The following PLIN5 variants were observed in gnomAD, a reference collection of about 807,000 sequenced individuals.
PLIN5 encodes perilipin-5.
A neutral mutation model predicts 32.8 loss-of-function variants in PLIN5; 34 were observed. The observed-to-expected ratio is 1.04, with a 90% confidence interval of 0.79 to 1.38. PLIN5 has a LOEUF of 1.38. PLIN5 is among the 40% of genes most tolerant of loss of function. The probability of loss-of-function intolerance (pLI) is 0.00; values close to 1 mark genes in which losing one functional copy is unlikely to be tolerated. For synonymous variants in PLIN5, 309 were observed against 292.9 expected, an observed-to-expected ratio of 1.05 and a Z score of -0.56; for missense variants, 712 against 660.5, an observed-to-expected ratio of 1.08 and a Z score of -0.85.
At chr19:4,535,108 G>C (rs1250870270) in intron 1 of PLIN5, 57 bp downstream of exon 1, 1 of 151,942 alleles carries the variant, frequency 6.6e-6, no homozygotes, top group African/African-American at 2.4e-5. Flanking sequence ...ACCCTATCTG[G>C]AGCTCCTCTC....
Position 4,525,687 on chromosome 19 carries a change from C to A in PLIN5, c.666G>T (p.Gln222His). 6.2e-7 allele frequency: 1 copy of A among 1,613,776 alleles called. No individual in the cohort carries two copies. The highest frequency in any genetic ancestry group is 8.5e-7 in the Non-Finnish European group (1 of 1,180,038). The change falls in exon 6 of 8, where the codon CAG becomes CAT. Residue 222 changes from glutamine to histidine, a missense_variant. Transcript: ENST00000381848. The surrounding 1 kb of genome is among the most constrained non-coding windows in gnomAD (Gnocchi z 5.6). ...GGGTGTCCTGGGCACGGTGTTTGCTCTGCCTCAGTTTCCCCACAGAGTGCT... is the reference window on the plus strand; with the variant it reads ...GGGTGTCCTGGGCACGGTGTTTGCTATGCCTCAGTTTCCCCACAGAGTGCT... The part of the protein sequence containing the change: ...AYEHSVGKLR[Q>H]SKHRAQDTLA...
chr19:4,534,232 C>T, intron 1 of PLIN5, 137 bp from the exon 2 acceptor site: 3 of 698,684 alleles, frequency 4.3e-6, no homozygotes, highest in Non-Finnish European at 5.0e-6. Flanking sequence ...TTCTGTGGAG[C>T]TCAGACAATG....
In PLIN5 at chr19:4,529,786, T is replaced by C. The variant is rs949151228; in HGVS notation, c.337A>G (p.Thr113Ala). The change falls in exon 4 of 8, where the codon ACG becomes GCG. Residue 113 changes from threonine (T) to alanine (A), a missense_variant and splice_region_variant. By Grantham distance (58) the Thr-to-Ala change is moderately conservative. Transcript: ENST00000381848. ...CCATGTCTAGTCGTCCGGGGTACCG[T>C]CTCCGAAGGTTGCTGGAGAAAGGGA... is the stretch of plus-strand genomic sequence containing the variant. ...KLPFLQQPSE[T>A]VVTSAKDVVA... The C allele has an allele frequency of 1.2e-6, 2 of 1,611,280 alleles. No homozygotes were observed. Among genetic ancestry groups the C allele is most frequent in the Middle Eastern group, 1.7e-4 (1 of 6,034 alleles).
rs1382298966 is a variant in PLIN5 at position 4,529,076 on chromosome 19, G to C, written c.517C>G (p.Leu173Val). 6.2e-7 allele frequency: 1 copy of C among 1,612,726 alleles called. No individual in the cohort carries two copies. The highest frequency in any genetic ancestry group is 8.5e-7 in the Non-Finnish European group (1 of 1,179,754). The change falls in exon 5 of 8, where the codon CTC becomes GTC. Residue 173 changes from leucine to valine, a missense_variant. Physicochemically the swap from Leu to Val is conservative, Grantham distance 32. Coordinates refer to ENST00000381848, the MANE Select transcript of PLIN5 (RefSeq NM_001013706.3). The stretch of plus-strand genomic sequence containing the variant: ...GGGTTGAGGGTGTCGTCCTCACCGA[G>C]CTCTTCCTCCGTCATGGGCAGGAAG... The part of the protein sequence containing the change: ...DHFLPMTEEE[L>V]AALAAEAEGP...
chr19:4,524,898 G>A (rs941423887), intron 7 of PLIN5, 65 bp downstream of exon 7: 246 of 1,383,076 alleles, frequency 1.8e-4, no homozygotes, highest in Non-Finnish European at 2.2e-4. Flanking sequence ...GCAGTCCGTC[G>A]CTCCCCCTCT....
chr19:4,525,141 G>A lies in PLIN5; in HGVS notation c.721-65C>T, dbSNP rs1487413753. On this transcript the variant is annotated intron_variant, in intron 6 of 7. Transcript: ENST00000381848. This position sits in a 1 kb window ranked among gnomAD's most constrained non-coding sequence, Gnocchi z 5.6. ...CTGGGGGAGCTGGGGGTCGGGGTGG[G>A]GTCCAGGACCACTGATCTGGCCTCA... is the stretch of plus-strand genomic sequence containing the variant. The A allele has an allele frequency of 1.2e-6, 1 of 858,250 alleles. No individual in the cohort carries two copies. The highest frequency in any genetic ancestry group is 1.8e-5 in the African/African-American group (1 of 56,126). The allele number at this position is 858,250 out of a possible 1,614,324, so 53.2% of individuals were successfully genotyped here. A position where few individuals can be genotyped will look rare whatever the true frequency, so the allele number is the denominator to read the frequency against.
rs988487700 is a variant in PLIN5 at position 4,534,913 on chromosome 19, A to AG, written c.-22+251dup. On this transcript the variant is annotated intron_variant, in intron 1 of 7. Coordinates refer to ENST00000381848, the MANE Select transcript of PLIN5 (RefSeq NM_001013706.3). ...AGGTCACGCAGCCAGCTAGAGTTAC[A>AG]GGGGGGGAGCTCGACCTCGGGCCTC... 1.8e-4 allele frequency among the ~76,000 whole-genome samples: 28 copies of AG among 152,196 alleles called. No homozygotes were observed. In the East Asian group the frequency reaches 3.9e-3, roughly 21 times the overall value.
chr19:4,524,149 G>A, intron 7 of PLIN5, 64 bp from the exon 8 acceptor site: 1 of 1,370,090 alleles, frequency 7.3e-7, no homozygotes, highest in Non-Finnish European at 9.4e-7. Context: ...TCCTGCCTCG[G>A]TTTCTCTGAT....
rs1976761186 is a variant in PLIN5, at chr19:4,523,726, C to T, written c.1194G>A (p.Glu398=). The T allele has an allele frequency of 1.2e-6, 2 of 1,602,462 alleles. No homozygotes were observed. The highest frequency in any genetic ancestry group is 8.5e-7 in the Non-Finnish European group (1 of 1,179,602). Residue 398 remains glutamate (E), a synonymous_variant, in exon 8 of 8, where the codon GAG becomes GAA. Transcript: ENST00000381848. This position sits in a 1 kb window ranked among gnomAD's most constrained non-coding sequence, Gnocchi z 5.0. ...AGCGGGGGTCAGGGCCCCCGATGAC[C>T]TCGTCCACCAGGTCCGCCAGGTCGG... ...PLPDLADLVD[E]VIGGPDPRWA... is the part of the protein sequence containing the mutation.
rs148542266 is a variant in PLIN5 at position 4,525,942 on chromosome 19, TACGGGGACAGC to T, written c.521-121_521-111del. ...ATACGGGGACAGCACGGGGACAGGA[TACGGGGACAGC>T]ACGGGGACAGCATGGGGTCAGCACA... On this transcript the variant is annotated intron_variant, in intron 5 of 7. Coordinates refer to ENST00000381848, the MANE Select transcript of PLIN5 (RefSeq NM_001013706.3). The surrounding 1 kb of genome is among the most constrained non-coding windows in gnomAD (Gnocchi z 5.6). 428 of 639,240 alleles carry T rather than the reference TACGGGGACAGC, an allele frequency of 6.7e-4. 3 individuals carry two copies. The East Asian group carries it at 8.8e-3, about 13-fold the overall frequency. The allele number at this position is 639,240 out of a possible 1,614,324, so 39.6% of individuals were successfully genotyped here. A position where few individuals can be genotyped will look rare whatever the true frequency, so the allele number is the denominator to read the frequency against.
Position 4,524,071 on chromosome 19 carries a change from C to T in PLIN5, c.849G>A (p.Thr283=), listed in dbSNP as rs1192933754. 1.5e-5 allele frequency: 22 copies of T among 1,438,790 alleles called. No homozygotes were observed. The highest frequency in any genetic ancestry group is 8.2e-5 in the East Asian group (3 of 36,660). The allele number at this position is 1,438,790 out of a possible 1,614,324, so 89.1% of individuals were successfully genotyped here. ...SRRRSQAELE[T]LVLSRSLTQE... ...GGGTCAGGCTGCGGGACAGCACCAG[C>T]GTCTCCAGCTCTGCCTGCAGGGGGC... The change falls in exon 8 of 8, where the codon ACG becomes ACA. Residue 283 remains threonine (T), a synonymous_variant. Transcript: ENST00000381848.
At chr19:4,529,708 A>ACCATCCCT (rs767128289) in intron 4 of PLIN5, 76 bp downstream of exon 4, 5 of 1,165,032 alleles carry the variant, frequency 4.3e-6, no homozygotes. Flanking sequence ...CCTGGTTGTC[A>ACCATCCCT]CCATCCCTCC....
chr19:4,529,951 C>T, intron 3 of PLIN5, 85 bp from the exon 4 acceptor site: 2 of 788,554 alleles, frequency 2.5e-6, no homozygotes, highest in Non-Finnish European at 4.0e-6. Flanking sequence ...GGAGGGAATG[C>T]TAGAGAGAGA....
intron 7 of PLIN5, among the ~76,000 whole-genome samples, 198 bp downstream of exon 7, chr19:4,524,765 A>C (rs111807023): frequency 7.2e-6 from 1 of 138,222 alleles, no homozygotes; most frequent in Non-Finnish European, 1.5e-5. Context: ...TAAATACATA[A>C]ATAAAACACA....
At chr19:4,524,232 C>G in intron 7 of PLIN5, 147 bp from the exon 8 acceptor site, 1 of 786,264 alleles carries the variant, frequency 1.3e-6, no homozygotes, top group Non-Finnish European at 1.8e-6. Context: ...AGAATGTGAC[C>G]CAGCCCTGAC....
rs528560540 is a variant in PLIN5 at position 4,531,717 on chromosome 19, C to A, written c.166G>T (p.Ala56Ser). 8.8e-6 allele frequency: 14 copies of A among 1,586,844 alleles called. No individual in the cohort carries two copies. Among genetic ancestry groups the A allele is most frequent in the Admixed American group, 3.5e-5 (2 of 57,322 alleles). Residue 56 changes from alanine to serine, a missense_variant, in exon 3 of 8, where the codon GCC becomes TCC. Coordinates refer to ENST00000381848, the MANE Select transcript of PLIN5 (RefSeq NM_001013706.3). The stretch of plus-strand genomic sequence containing the variant: ...ACGCAGTTCTCAGCCAGGCGGCAGG[C>A]GGAGCCCAGCAGCGGGTGCCTGTCC... ...AKDRHPLLGS[A>S]CRLAENCVCG...
Position 4,531,766 on chromosome 19 carries a change from G to C in PLIN5, c.117C>G (p.Val39=), listed in dbSNP as rs1195900207. 1.9e-6 allele frequency: 3 copies of C among 1,598,562 alleles called. No homozygotes were observed. Among genetic ancestry groups the C allele is most frequent in the East Asian group, 4.5e-5 (2 of 44,264 alleles). ...CCTTGGCTGCACTGTAAACATCGCA[G>C]ACCGCGGTGCACGTGGCCCTGACCA... ...LPLVRATCTA[V]CDVYSAAKDR... Residue 39 remains valine (V), a synonymous_variant, in exon 3 of 8, where the codon GTC becomes GTG. Transcript: ENST00000381848.
chr19:4,527,108 C>T (rs986506478), intron 5 of PLIN5, among the ~76,000 whole-genome samples: 8 of 151,612 alleles, frequency 5.3e-5, no homozygotes, highest in African/African-American at 9.7e-5. Flanking sequence ...TGGAGTCTCG[C>T]TCTGTTGCCC....
chr19:4,525,591 T>G lies in PLIN5; in HGVS notation c.720+42A>C. 1 of 1,602,840 alleles carries G rather than the reference T, an allele frequency of 6.2e-7. No homozygotes were observed. The highest frequency in any genetic ancestry group is 8.5e-7 in the Non-Finnish European group (1 of 1,176,372). On this transcript the variant is annotated intron_variant, in intron 6 of 7. Coordinates refer to ENST00000381848, the MANE Select transcript of PLIN5 (RefSeq NM_001013706.3). This position sits in a 1 kb window ranked among gnomAD's most constrained non-coding sequence, Gnocchi z 5.6. ...TCAGCTGGTGCTCAATCCATACTGA[T>G]TGGCCTGCATCCCGGAGCAGGGGCG... is the stretch of plus-strand genomic sequence containing the variant.
Sources: allele counts gnomAD v4.1 joint callset (sites outside exome capture counted in the v4.1 genomes callset), GRCh38; gene constraint gnomAD v4.1.1; non-coding constraint Gnocchi (gnomAD v3.1); transcripts MANE v1.5; gene names NCBI Gene and HGNC (gene_info 2026-07-23, HGNC 2026-07-21).